ZNF438: variants seen among roughly 807,000 people sequenced by gnomAD.
ZNF438 encodes the protein zinc finger protein 438.
Under a neutral mutation model 38.0 loss-of-function variants are expected in ZNF438, and 25 were observed. The ratio of observed to expected loss-of-function variants is 0.66; its 90% CI spans 0.48 to 0.92. The LOEUF (loss-of-function observed/expected upper bound fraction) is 0.92, where lower values mean the gene tolerates loss of function less well. ZNF438 is among the 40% of genes least tolerant of loss of function. The pLI is 0.00. For missense variants in ZNF438, 1,007 were observed against 999.6 expected (o/e 1.01, Z -0.10); for synonymous variants, 372 against 364.1 (o/e 1.02, Z -0.25).
intron 2 of ZNF438, among the ~76,000 whole-genome samples, chr10:30,931,597 C>T (rs939674701): frequency 1.3e-5 from 2 of 152,100 alleles, no homozygotes; most frequent in Non-Finnish European, 2.9e-5. Flanking sequence ...AGGTCAAATC[C>T]TTTGACTTTA....
At chr10:30,869,329 A>G (rs11008293) in intron 4 of ZNF438, among the ~76,000 whole-genome samples, 88,887 of 151,740 alleles carry the variant, frequency 0.59, 26,282 homozygotes, top group African/African-American at 0.62. Context: ...AGCCAAGATC[A>G]CACCATTGCA....
At chr10:30,973,140 C>T (rs7100861) in intron 1 of ZNF438, among the ~76,000 whole-genome samples, 91,225 of 152,022 alleles carry the variant, frequency 0.6, 28,476 homozygotes, top group African/African-American at 0.78. Flanking sequence ...TTAAAGACTG[C>T]AGAAATCTGA....
chr10:31,015,685 C>G (rs1367400829), intron 1 of ZNF438, among the ~76,000 whole-genome samples: 1 of 152,138 alleles, frequency 6.6e-6, no homozygotes, highest in Non-Finnish European at 1.5e-5. Flanking sequence ...AGAAGGAAAA[C>G]TTGAAAGCAA....
chr10:31,016,259 G>A (rs1256835977), intron 1 of ZNF438, among the ~76,000 whole-genome samples: 1 of 152,234 alleles, frequency 6.6e-6, no homozygotes, highest in East Asian at 1.9e-4. Flanking sequence ...TGATGTTAAA[G>A]TAAGAGCTTT....
rs1342743927 is a variant in ZNF438 at position 30,845,576 on chromosome 10, G to T, written c.1875-3C>A. 12 of 1,604,750 alleles carry T rather than the reference G, an allele frequency of 7.5e-6. No homozygotes were observed. Among genetic ancestry groups the T allele is most frequent in the African/African-American group, 1.3e-5 (1 of 74,322 alleles). ...CTTCCAGGTTGGACTTGTTTTCCCT[G>T]AAAAGGCCAATAATAATGAAGATAA... On this transcript the variant is annotated splice_polypyrimidine_tract_variant and splice_region_variant and intron_variant, in intron 5 of 5. Coordinates refer to ENST00000413025, the Ensembl canonical transcript of ZNF438.
At chr10:31,031,771 G>C (rs545615147) in intron 1 of ZNF438, 62 bp downstream of exon 1, 1 of 154,046 alleles carries the variant, frequency 6.5e-6, no homozygotes, top group South Asian at 2.1e-4. Flanking sequence ...CCACCGCCGG[G>C]ACTGCCAGCT....
At chr10:30,934,603 G>T (rs1175208195) in intron 2 of ZNF438, among the ~76,000 whole-genome samples, 1 of 152,178 alleles carries the variant, frequency 6.6e-6, no homozygotes, top group Non-Finnish European at 1.5e-5. Context: ...TTTTTGAAAA[G>T]CAGTTTTGTA....
At chr10:30,932,911 C>T (rs1222075003) in intron 2 of ZNF438, among the ~76,000 whole-genome samples, 2 of 152,162 alleles carry the variant, frequency 1.3e-5, no homozygotes, top group African/African-American at 4.8e-5. Flanking sequence ...ATCATGCTAC[C>T]ACAAGGCAAG....
At chr10:30,863,469 A>G (rs4747737) in intron 4 of ZNF438, among the ~76,000 whole-genome samples, 58,184 of 152,026 alleles carry the variant, frequency 0.38, 11,429 homozygotes, top group Admixed American at 0.41. Context: ...TGAAGGCGGC[A>G]GAGTTTGAAA....
At chr10:30,980,172 T>C (rs191150202) in intron 1 of ZNF438, among the ~76,000 whole-genome samples, 3 of 151,202 alleles carry the variant, frequency 2.0e-5, no homozygotes, top group African/African-American at 4.9e-5. Context: ...TGTTAGAACA[T>C]GTGAGACAAC....
At chr10:30,951,405 T>G (rs1484693436) in intron 1 of ZNF438, among the ~76,000 whole-genome samples, 1 of 150,872 alleles carries the variant, frequency 6.6e-6, no homozygotes, top group Non-Finnish European at 1.5e-5. Context: ...CCAGGGCAAT[T>G]AGGCAGGAGA....
intron 1 of ZNF438, among the ~76,000 whole-genome samples, chr10:30,961,272 TA>T (rs1175437941): frequency 6.9e-6 from 1 of 144,108 alleles, no homozygotes; most frequent in Non-Finnish European, 1.6e-5. Context: ...AAAAATTTTT[TA>T]ATTTATTATA....
At chr10:30,943,542 A>G (rs1486821236) in intron 1 of ZNF438, among the ~76,000 whole-genome samples, 2 of 152,230 alleles carry the variant, frequency 1.3e-5, no homozygotes, top group Non-Finnish European at 2.9e-5. Flanking sequence ...TAACTGAGAC[A>G]GTTAAAACAC....
chr10:30,864,633 C>T (rs1006849181), intron 4 of ZNF438, among the ~76,000 whole-genome samples: 3 of 152,252 alleles, frequency 2.0e-5, no homozygotes, highest in South Asian at 2.1e-4. Context: ...ACTGAAGGAA[C>T]GAACTATTAA....
At chr10:30,892,156 TTCCACCA>T (rs3057689) in intron 3 of ZNF438, among the ~76,000 whole-genome samples, 64,465 of 151,356 alleles carry the variant, frequency 0.43, 14,120 homozygotes, top group Non-Finnish European at 0.47. Flanking sequence ...ATGATCACAT[TTCCACCA>T]TTTTTGCTGG....
intron 1 of ZNF438, among the ~76,000 whole-genome samples, chr10:30,995,678 G>A (rs1032836353): frequency 6.6e-6 from 1 of 152,128 alleles, no homozygotes; most frequent in African/African-American, 2.4e-5. Context: ...AAACACTGTA[G>A]CTATAATTTA....
At chr10:30,855,535 T>C (rs1378648660) in intron 4 of ZNF438, among the ~76,000 whole-genome samples, 1 of 152,222 alleles carries the variant, frequency 6.6e-6, no homozygotes, top group Non-Finnish European at 1.5e-5. Context: ...TTGAATCCAA[T>C]TTCTCAGAAT....
chr10:30,997,572 C>T lies in ZNF438; in HGVS notation c.-192+34261G>A, dbSNP rs372661509. Among the ~76,000 whole-genome samples the T allele has an allele frequency of 5.5e-4, 74 of 133,700 alleles. 2 individuals are homozygous for T. Among genetic ancestry groups the T allele is most frequent in the African/African-American group, 2.0e-3 (69 of 34,432 alleles). 87.7% of individuals were successfully genotyped at this position (133,700 alleles called of 152,430 possible). A position where few individuals can be genotyped will look rare whatever the true frequency, so the allele number is the denominator to read the frequency against. On this transcript the variant is annotated intron_variant, in intron 1 of 5. Coordinates refer to ENST00000413025, the Ensembl canonical transcript of ZNF438. The stretch of plus-strand genomic sequence containing the variant: ...TTCCCTTCTTTCTGAATAACAAAAT[C>T]CTATTTTTTTTTTTTTTTTACCTTG...
At chr10:30,955,812 T>C (rs919747293) in intron 1 of ZNF438, among the ~76,000 whole-genome samples, 1 of 152,362 alleles carries the variant, frequency 6.6e-6, no homozygotes, top group Non-Finnish European at 1.5e-5. Flanking sequence ...TTGATTTTTG[T>C]AACTTATTAT....
Sources: allele counts gnomAD v4.1 joint callset (sites outside exome capture counted in the v4.1 genomes callset), GRCh38; gene constraint gnomAD v4.1.1; transcripts MANE v1.5; gene names NCBI Gene and HGNC (gene_info 2026-07-23, HGNC 2026-07-21).